PEAK1: variants seen among roughly 807,000 people sequenced by gnomAD.
The protein encoded by PEAK1 is pseudopodium enriched atypical kinase 1, also known as inactive tyrosine-protein kinase PEAK1.
In PEAK1, 54 loss-of-function variants were observed where a neutral mutation model predicts 124.7. That is an observed-to-expected ratio of 0.43 (90% confidence interval 0.35 to 0.54). PEAK1 has a LOEUF of 0.54. PEAK1 is among the 20% of genes least tolerant of loss of function. The pLI is 0.01. For missense variants in PEAK1, 2,046 were observed against 2,134.5 expected, an observed-to-expected ratio of 0.96 and a Z score of 0.82; for synonymous variants, 719 against 760.0, an observed-to-expected ratio of 0.95 and a Z score of 0.89.
At chr15:77,204,142 A>T (rs181547278) in intron 6 of PEAK1, among the ~76,000 whole-genome samples, 1 of 152,340 alleles carries the variant, frequency 6.6e-6, no homozygotes, top group Admixed American at 6.5e-5. Flanking sequence ...ACAGATAGCA[A>T]ATAAAAAGAT....
chr15:77,352,021 G>C (rs944353408), intron 2 of PEAK1: 3 of 921,116 alleles, frequency 3.3e-6, no homozygotes, highest in South Asian at 5.0e-5. Flanking sequence ...AGGAGTTCAA[G>C]ACCAGCCTGG....
intron 1 of PEAK1, among the ~76,000 whole-genome samples, chr15:77,384,036 A>C (rs1384701814): frequency 6.6e-6 from 1 of 152,212 alleles, no homozygotes; most frequent in Non-Finnish European, 1.5e-5. Flanking sequence ...ATTATACCTC[A>C]ATAATAAAAA....
Position 77,200,888 on chromosome 15 carries a change from A to G in PEAK1, c.-114-18848T>C, listed in dbSNP as rs149066069. 4.1e-3 allele frequency among the ~76,000 whole-genome samples: 623 copies of G among 152,056 alleles called. 6 individuals are homozygous for G. The highest frequency in any genetic ancestry group is 0.014 in the African/African-American group (591 of 41,458). ...ATGGTTAAATTTCTTCTTTCTTTCT[A>G]TATTTTTCCTTCTAACTAATTTTAG... On this transcript the variant is annotated intron_variant, in intron 6 of 9. Coordinates refer to ENST00000682557, the MANE Select transcript of PEAK1 (RefSeq NM_001385026.1).
rs901073429 is a variant in PEAK1 at position 77,213,063 on chromosome 15, A to T, written c.-114-31023T>A. ...TTCTGAAAGATCATAATTCCCTAAG[A>T]TGAATGTATTCTGAAAGCAGTATGT... On this transcript the variant is annotated intron_variant, in intron 6 of 9. Coordinates refer to ENST00000682557, the MANE Select transcript of PEAK1 (RefSeq NM_001385026.1). Among the ~76,000 whole-genome samples, 4 of 152,338 alleles carry T rather than the reference A, an allele frequency of 2.6e-5. No individual in the cohort carries two copies. The East Asian group carries it at 7.7e-4, about 29-fold the overall frequency.
intron 7 of PEAK1, among the ~76,000 whole-genome samples, chr15:77,177,440 T>C (rs1402696960): frequency 6.6e-6 from 1 of 152,100 alleles, no homozygotes; most frequent in Non-Finnish European, 1.5e-5. Context: ...AATTTGGAGG[T>C]ATGTAAAAAG....
chr15:77,126,418 TTTAAG>T (rs1413253891), intron 9 of PEAK1, among the ~76,000 whole-genome samples: 5 of 152,110 alleles, frequency 3.3e-5, no homozygotes, highest in Non-Finnish European at 7.4e-5. Context: ...CTCTCATAAT[TTTAAG>T]GAAAAACAAA....
At chr15:77,352,858 C>T in intron 2 of PEAK1, 2 of 984,774 alleles carry the variant, frequency 2.0e-6, no homozygotes, top group South Asian at 4.7e-5. Context: ...TTAAAAAAAA[C>T]AAAAAAAGAC....
chr15:77,180,209 G>A lies in PEAK1; in HGVS notation c.1718C>T (p.Pro573Leu), dbSNP rs2057162988. 1 of 1,614,144 alleles carries A rather than the reference G, an allele frequency of 6.2e-7. No homozygotes were observed. Among genetic ancestry groups the A allele is most frequent in the African/African-American group, 1.3e-5 (1 of 75,040 alleles). ...TTTGGAGGAAATGTTTGTAGCTGTG[G>A]GTGATGTAGGTGCTGATTTGTGACA... ...KNCHKSAPTSPTATNISSKTI... is the reference protein window; with the variant it reads ...KNCHKSAPTSLTATNISSKTI... Residue 573 changes from proline to leucine, a missense_variant, in exon 7 of 10, where the codon CCC becomes CTC. Coordinates refer to ENST00000682557, the MANE Select transcript of PEAK1 (RefSeq NM_001385026.1).
At chr15:77,309,779 C>T (rs1319166779) in intron 2 of PEAK1, among the ~76,000 whole-genome samples, 1 of 152,144 alleles carries the variant, frequency 6.6e-6, no homozygotes, top group African/African-American at 2.4e-5. Context: ...AAACTATTAA[C>T]TTGTTTTATA....
Position 77,351,580 on chromosome 15 carries a change from C to T in PEAK1, c.-603+13583G>A, listed in dbSNP as rs112160723. On this transcript the variant is annotated intron_variant, in intron 2 of 9. Transcript: ENST00000682557. ...CTCATGAAAAACTCCGTTAACAGGG[C>T]CTTTGAGCCCGTATGCTCAGGCCCA... 4.3e-3 allele frequency: 1,726 copies of T among 397,366 alleles called. 34 individuals carry two copies. The highest frequency in any genetic ancestry group is 0.036 in the African/African-American group (1,633 of 45,878). The allele number at this position is 397,366 out of a possible 1,614,324, so 24.6% of individuals were successfully genotyped here.
intron 2 of PEAK1, among the ~76,000 whole-genome samples, chr15:77,329,142 T>C (rs1490302190): frequency 1.3e-5 from 2 of 152,182 alleles, no homozygotes; most frequent in African/African-American, 2.4e-5. Context: ...TTGTTGTTTA[T>C]AGAACAAGTC....
At position 77,179,471 on chromosome 15, in the gene PEAK1, G is replaced by T. The variant is rs757933048; in HGVS notation, c.2456C>A (p.Ser819Tyr). The change falls in exon 7 of 10, where the codon TCT (serine) becomes TAT (tyrosine). Residue 819 changes from serine (S) to tyrosine (Y), a missense_variant. Physicochemically the swap from Ser to Tyr is moderately radical, Grantham distance 144. Transcript: ENST00000682557. ...TPKSTPVRPK[S>Y]LFTSQPSGEA... ...ACCACTAGGCTGAGATGTAAAGAGA[G>T]ATTTGGGCCGGACTGGCGTACTCTT... 5 of 1,614,142 alleles carry T rather than the reference G, an allele frequency of 3.1e-6. No homozygotes were observed. In the South Asian group the frequency reaches 4.4e-5, roughly 14 times the overall value.
At chr15:77,211,032 T>C (rs1216381128) in intron 6 of PEAK1, among the ~76,000 whole-genome samples, 3 of 152,232 alleles carry the variant, frequency 2.0e-5, no homozygotes, top group Non-Finnish European at 4.4e-5. Context: ...ATCAGCAAAC[T>C]ATGTCCCATG....
chr15:77,395,638 G>A (rs1291662199), intron 1 of PEAK1, among the ~76,000 whole-genome samples: 7 of 152,020 alleles, frequency 4.6e-5, no homozygotes, highest in South Asian at 2.1e-4. Flanking sequence ...TACAGGCCAC[G>A]AGACAAGAGG....
At chr15:77,260,215 T>C (rs1449692101) in intron 5 of PEAK1, among the ~76,000 whole-genome samples, 1 of 152,166 alleles carries the variant, frequency 6.6e-6, no homozygotes. Context: ...ACTCTAGATA[T>C]GCCTGAAAGG....
At chr15:77,278,832 GTT>G (rs34583265) in intron 5 of PEAK1, 5,590 of 224,732 alleles carry the variant, frequency 0.025, 5 homozygotes, top group Middle Eastern at 0.046. Context: ...AATTTTGTGG[GTT>G]TTTTTTTTTT....
intron 8 of PEAK1, among the ~76,000 whole-genome samples, chr15:77,150,667 C>A (rs1372079672): frequency 8.0e-6 from 1 of 124,788 alleles, no homozygotes; most frequent in Non-Finnish European, 1.6e-5. Context: ...CCCCCCTCCC[C>A]CCACCCCACA....
chr15:77,323,092 C>T (rs1165535332), intron 2 of PEAK1, among the ~76,000 whole-genome samples: 1 of 152,038 alleles, frequency 6.6e-6, no homozygotes, highest in African/African-American at 2.4e-5. Flanking sequence ...AACCTTCATG[C>T]TAAAAACTCT....
chr15:77,375,560 A>G (rs917002055), intron 1 of PEAK1, among the ~76,000 whole-genome samples: 19 of 152,206 alleles, frequency 1.2e-4, no homozygotes, highest in African/African-American at 4.6e-4. Flanking sequence ...TGATTTGGGA[A>G]ATCAAGGATG....
Sources: gnomAD v4.1 joint callset for allele counts (sites outside exome capture counted in the v4.1 genomes callset) on GRCh38, gnomAD v4.1.1 for gene constraint, MANE v1.5 for transcripts, NCBI Gene and HGNC (gene_info 2026-07-23, HGNC 2026-07-21) for gene names.